The following CCDC149 variants were observed in gnomAD, a reference collection of about 807,000 sequenced individuals.
CCDC149 encodes coiled-coil domain containing 149.
A neutral mutation model predicts 59.9 loss-of-function variants in CCDC149; 45 were observed. That is an observed-to-expected ratio of 0.75 (90% confidence interval 0.59 to 0.96). CCDC149 has a LOEUF of 0.96. CCDC149 is among the 40% of genes least tolerant of loss of function. The probability of loss-of-function intolerance (pLI) is 0.00; values close to 1 mark genes in which losing one functional copy is unlikely to be tolerated. For missense variants in CCDC149, 584 were observed against 664.7 expected, an observed-to-expected ratio of 0.88 and a Z score of 1.33; for synonymous variants, 245 against 260.6, an observed-to-expected ratio of 0.94 and a Z score of 0.58.
At chr4:24,891,984 G>A (rs1720553369) in intron 1 of CCDC149, among the ~76,000 whole-genome samples, 1 of 152,182 alleles carries the variant, frequency 6.6e-6, no homozygotes, top group Admixed American at 6.5e-5. Context: ...GGGGGAGAGA[G>A]TGAGACCCTG....
At chr4:24,852,938 T>G (rs938928399) in intron 4 of CCDC149, 134 bp downstream of exon 4, 6 of 646,944 alleles carry the variant, frequency 9.3e-6, no homozygotes, top group African/African-American at 1.8e-5. Context: ...AAACTGCGAA[T>G]TTTCATTATA....
At chr4:24,838,903 C>G (rs1251785397) in intron 4 of CCDC149, among the ~76,000 whole-genome samples, 1 of 151,732 alleles carries the variant, frequency 6.6e-6, no homozygotes, top group Middle Eastern at 3.2e-3. Context: ...CTTATGTGAA[C>G]TAGGTAACAC....
chr4:24,856,536 GA>G (rs1718020770), intron 3 of CCDC149, among the ~76,000 whole-genome samples: 1 of 152,202 alleles, frequency 6.6e-6, no homozygotes, highest in South Asian at 2.1e-4. Context: ...GAGCCTTGTA[GA>G]TATCTTGGAG....
chr4:24,863,160 G>A (rs1718485468), intron 3 of CCDC149, among the ~76,000 whole-genome samples: 1 of 152,094 alleles, frequency 6.6e-6, no homozygotes, highest in South Asian at 2.1e-4. Context: ...GGGCGTGGCG[G>A]TATGCACCCG....
At chr4:24,887,121 G>A (rs1360784247) in intron 1 of CCDC149, among the ~76,000 whole-genome samples, 4 of 152,090 alleles carry the variant, frequency 2.6e-5, no homozygotes, top group African/African-American at 9.7e-5. Context: ...TGGCCATTGA[G>A]GGGCTTTTAT....
chr4:24,814,054 C>G (rs1411031891), intron 12 of CCDC149, among the ~76,000 whole-genome samples: 3 of 152,162 alleles, frequency 2.0e-5, no homozygotes, highest in Non-Finnish European at 2.9e-5. Context: ...AAATAAGTTT[C>G]CATTTCCTTT....
chr4:24,818,189 T>C (rs191099844), intron 12 of CCDC149, among the ~76,000 whole-genome samples: 2 of 151,914 alleles, frequency 1.3e-5, no homozygotes, highest in African/African-American at 4.8e-5. Context: ...TAGATGGAGA[T>C]GGAAGGTTGA....
intron 3 of CCDC149, among the ~76,000 whole-genome samples, chr4:24,870,914 G>A (rs912677979): frequency 5.3e-5 from 8 of 151,848 alleles, no homozygotes; most frequent in Middle Eastern, 3.4e-3. Flanking sequence ...GCATGGTGGC[G>A]GGTGCCTGTA....
At position 24,815,113 on chromosome 4, in the gene CCDC149, G is replaced by C. The variant is rs141927753; in HGVS notation, c.1192+4746C>G. Reference sequence around the variant, plus strand: ...TAGCTTATTAAATGTTTGAATATATGAACGATATACATGAATGCATGAATC... The same window carrying C: ...TAGCTTATTAAATGTTTGAATATATCAACGATATACATGAATGCATGAATC... On this transcript the variant is annotated intron_variant, in intron 12 of 12. Coordinates refer to ENST00000635206, the MANE Select transcript of CCDC149 (RefSeq NM_001330643.2). Among the ~76,000 whole-genome samples, 6 of 152,260 alleles carry C rather than the reference G, an allele frequency of 3.9e-5. No individual in the cohort carries two copies. In the South Asian group the frequency reaches 1.2e-3, roughly 32 times the overall value.
chr4:24,829,167 T>G (rs1023933007), intron 9 of CCDC149: 2 of 152,554 alleles, frequency 1.3e-5, no homozygotes, highest in African/African-American at 4.8e-5. Context: ...TGTGGGACGG[T>G]CTCCCCAAGG....
At chr4:24,865,338 C>T (rs964212338) in intron 3 of CCDC149, among the ~76,000 whole-genome samples, 2 of 152,096 alleles carry the variant, frequency 1.3e-5, no homozygotes, top group Non-Finnish European at 2.9e-5. Flanking sequence ...TTTGATGAAA[C>T]ATCAGGGGTT....
downstream of CCDC149, among the ~76,000 whole-genome samples, chr4:24,805,743 G>A (rs1714121712): frequency 6.6e-6 from 1 of 152,172 alleles, no homozygotes; most frequent in Non-Finnish European, 1.5e-5. Context: ...AAATGTGATA[G>A]GAACTGGGTT....
intron 4 of CCDC149, among the ~76,000 whole-genome samples, chr4:24,852,698 C>T (rs759020853): frequency 4.6e-5 from 7 of 151,848 alleles, no homozygotes; most frequent in Non-Finnish European, 7.4e-5. Context: ...AATTCAAAAC[C>T]GAATGTGAAT....
At chr4:24,865,067 G>A (rs1718615688) in intron 3 of CCDC149, among the ~76,000 whole-genome samples, 1 of 152,040 alleles carries the variant, frequency 6.6e-6, no homozygotes, top group Admixed American at 6.6e-5. Flanking sequence ...AGAAAGTCTG[G>A]TAACATACCT....
chr4:24,906,401 T>TTTTATTTTATTTTATGTTATGTTATGTTA (rs748984036), intron 1 of CCDC149, among the ~76,000 whole-genome samples: 1 of 102,104 alleles, frequency 9.8e-6, no homozygotes, highest in African/African-American at 3.5e-5. Flanking sequence ...TTTTATTTTA[T>TTTTATTTTATTTTATGTTATGTTATGTTA]TTTATTTTAC....
chr4:24,811,057 C>G (rs1011461268), intron 12 of CCDC149, among the ~76,000 whole-genome samples: 4 of 152,192 alleles, frequency 2.6e-5, no homozygotes, highest in Non-Finnish European at 5.9e-5. Context: ...GAGATTCTTT[C>G]TGATAATATG....
intron 1 of CCDC149, among the ~76,000 whole-genome samples, chr4:24,970,556 C>T (rs567846962): frequency 1.1e-4 from 17 of 152,210 alleles, no homozygotes; most frequent in African/African-American, 3.1e-4. Flanking sequence ...AGTGGGTACC[C>T]GTCATGGCTT....
intron 4 of CCDC149, among the ~76,000 whole-genome samples, chr4:24,846,513 C>T (rs185376883): frequency 1.6e-4 from 24 of 152,312 alleles, no homozygotes; most frequent in Non-Finnish European, 7.3e-5. Flanking sequence ...TCCTTTTTAA[C>T]GAAGTGTACC....
intron 1 of CCDC149, among the ~76,000 whole-genome samples, chr4:24,978,560 TCAGAAAAAC>T (rs1304205802): frequency 2.0e-5 from 3 of 151,980 alleles, no homozygotes; most frequent in Admixed American, 1.3e-4. Flanking sequence ...GTCAGAAAAA[TCAGAAAAAC>T]CTCAGATGAA....
Sources: gnomAD v4.1 joint callset for allele counts (sites outside exome capture counted in the v4.1 genomes callset) on GRCh38, gnomAD v4.1.1 for gene constraint, MANE v1.5 for transcripts, NCBI Gene and HGNC (gene_info 2026-07-23, HGNC 2026-07-21) for gene names.